The following ENTREP2 variants were observed in gnomAD, a reference collection of about 807,000 sequenced individuals.
ENTREP2 encodes the protein endosomal transmembrane epsin interactor 2, also known as protein ENTREP2.
chr15:29,154,369 T>C, the ENTREP2 span, among the ~76,000 whole-genome samples: 1 of 152,140 alleles, frequency 6.6e-6, no homozygotes, highest in African/African-American at 2.4e-5. Flanking sequence ...CATCTTGTGC[T>C]CTTAGAGGGT....
chr15:29,591,832 G>GAGGAGAAGAAGAAGA, the ENTREP2 span, among the ~76,000 whole-genome samples: 17 of 140,100 alleles, frequency 1.2e-4, no homozygotes, highest in Non-Finnish European at 2.0e-4. Flanking sequence ...CATCTCAAAA[G>GAGGAGAAGAAGAAGA]AGAAGAAGAA....
the ENTREP2 span, among the ~76,000 whole-genome samples, chr15:29,515,477 G>A: frequency 6.6e-6 from 1 of 152,148 alleles, no homozygotes; most frequent in African/African-American, 2.4e-5. Context: ...TGATTCAAAT[G>A]CTCATCTCTT....
chr15:29,496,299 G>A, the ENTREP2 span, among the ~76,000 whole-genome samples: 1 of 151,786 alleles, frequency 6.6e-6, no homozygotes, highest in Non-Finnish European at 1.5e-5. Context: ...TTGGGGTGGT[G>A]TCTTTAGGAA....
At chr15:29,185,580 G>C in the ENTREP2 span, among the ~76,000 whole-genome samples, 6 of 151,980 alleles carry the variant, frequency 3.9e-5, no homozygotes, top group African/African-American at 1.4e-4. Flanking sequence ...TATTTATTTA[G>C]AGACAGAGTT....
chr15:29,493,320 A>G, the ENTREP2 span, among the ~76,000 whole-genome samples: 5,987 of 149,874 alleles, frequency 0.04, 384 homozygotes, highest in African/African-American at 0.14. Flanking sequence ...TTTTTAGTAG[A>G]GACGGGGTTT....
At chr15:29,575,636 A>G in the ENTREP2 span, among the ~76,000 whole-genome samples, 1 of 152,234 alleles carries the variant, frequency 6.6e-6, no homozygotes, top group African/African-American at 2.4e-5. Context: ...GAAAGCTACT[A>G]GAACTAATAA....
chr15:29,225,011 C>T, the ENTREP2 span, among the ~76,000 whole-genome samples: 1 of 152,206 alleles, frequency 6.6e-6, no homozygotes, highest in African/African-American at 2.4e-5. Flanking sequence ...CCCCTCACTG[C>T]CCGGGCCGGC....
At chr15:29,176,655 G>A in the ENTREP2 span, among the ~76,000 whole-genome samples, 1 of 152,224 alleles carries the variant, frequency 6.6e-6, no homozygotes, top group South Asian at 2.1e-4. Context: ...CAAGCCCATG[G>A]CCCGCAGACC....
the ENTREP2 span, among the ~76,000 whole-genome samples, chr15:29,220,677 GAGAAT>G: frequency 6.6e-6 from 1 of 152,126 alleles, no homozygotes; most frequent in Admixed American, 6.6e-5. Flanking sequence ...CAAATCTGAT[GAGAAT>G]CTAGGGTTTT....
chr15:29,124,749 G>A, the ENTREP2 span: 2 of 1,550,600 alleles, frequency 1.3e-6, no homozygotes, highest in African/African-American at 1.4e-5. Context: ...CGGCCTGTGT[G>A]AAGAGGCATC....
chr15:29,137,690 G>T, the ENTREP2 span, among the ~76,000 whole-genome samples: 6 of 152,118 alleles, frequency 3.9e-5, no homozygotes, highest in Non-Finnish European at 2.9e-5. Flanking sequence ...CAAAAAATTA[G>T]CTGGGCGTAG....
chr15:29,448,884 T>G, the ENTREP2 span, among the ~76,000 whole-genome samples: 1 of 152,210 alleles, frequency 6.6e-6, no homozygotes, highest in Non-Finnish European at 1.5e-5. Context: ...AAATGAAATC[T>G]GGGTCTTGGA....
At chr15:29,213,596 G>T in the ENTREP2 span, among the ~76,000 whole-genome samples, 3 of 152,172 alleles carry the variant, frequency 2.0e-5, no homozygotes, top group African/African-American at 7.2e-5. Flanking sequence ...CTGCTTGTCT[G>T]TTATTGGTGT....
the ENTREP2 span, among the ~76,000 whole-genome samples, chr15:29,317,088 T>A: frequency 6.6e-6 from 1 of 152,292 alleles, no homozygotes; most frequent in South Asian, 2.1e-4. Context: ...AAAGAGGAAA[T>A]AAAGAATGAA....
the ENTREP2 span, among the ~76,000 whole-genome samples, chr15:29,613,083 T>C: frequency 6.6e-6 from 1 of 152,178 alleles, no homozygotes; most frequent in African/African-American, 2.4e-5. Flanking sequence ...TAATTGTCCA[T>C]GCCCAAGGAC....
At chr15:29,333,102 G>A in the ENTREP2 span, among the ~76,000 whole-genome samples, 1 of 151,994 alleles carries the variant, frequency 6.6e-6, no homozygotes, top group Non-Finnish European at 1.5e-5. Flanking sequence ...TCAGAGAACT[G>A]ACCTAAGAAA....
At chr15:29,255,136 G>A in the ENTREP2 span, among the ~76,000 whole-genome samples, 1 of 152,158 alleles carries the variant, frequency 6.6e-6, no homozygotes, top group Non-Finnish European at 1.5e-5. Flanking sequence ...TTCTACCCAA[G>A]AGACCTATAA....
the ENTREP2 span, among the ~76,000 whole-genome samples, chr15:29,662,331 G>A: frequency 6.6e-6 from 1 of 151,914 alleles, no homozygotes; most frequent in South Asian, 2.1e-4. Context: ...GATTCTGGGA[G>A]AAGAAATAGT....
the ENTREP2 span, among the ~76,000 whole-genome samples, chr15:29,341,633 G>C: frequency 6.6e-6 from 1 of 152,166 alleles, no homozygotes; most frequent in Non-Finnish European, 1.5e-5. Context: ...GAGTCAAAAG[G>C]GGGAGTGGCG....
Sources: gnomAD v4.1 joint callset for allele counts (sites outside exome capture counted in the v4.1 genomes callset) on GRCh38, gnomAD v4.1.1 for gene constraint, MANE v1.5 for transcripts, NCBI Gene and HGNC (gene_info 2026-07-23, HGNC 2026-07-21) for gene names.